Variants in UNC13C observed in about 807,000 individuals in gnomAD.
UNC13C encodes the protein protein unc-13 homolog C.
In UNC13C, 174 loss-of-function variants were observed where a neutral mutation model predicts 245.4. That is an observed-to-expected ratio of 0.71 (90% CI 0.63 to 0.80). The LOEUF (loss-of-function observed/expected upper bound fraction) is 0.80. UNC13C is among the 30% of genes least tolerant of loss of function. The pLI is 0.00. For synonymous variants in UNC13C, 992 were observed against 895.1 expected (o/e 1.11, Z -1.93); for missense variants, 2,829 against 2,602.9 (o/e 1.09, Z -1.89).
chr15:54,608,527 T>A (rs1303156570), intron 30 of UNC13C, among the ~76,000 whole-genome samples: 5 of 152,220 alleles, frequency 3.3e-5, no homozygotes, highest in Non-Finnish European at 5.9e-5. Flanking sequence ...TGCACTCATT[T>A]TTATTTTTGC....
At chr15:54,597,887 T>A (rs1299704765) in intron 30 of UNC13C, among the ~76,000 whole-genome samples, 1 of 152,212 alleles carries the variant, frequency 6.6e-6, no homozygotes, top group Admixed American at 6.5e-5. Context: ...GTAATGACTT[T>A]TTCAAAATTG....
intron 29 of UNC13C, 94 bp downstream of exon 29, chr15:54,555,606 C>T: frequency 1.1e-6 from 1 of 890,430 alleles, no homozygotes; most frequent in African/African-American, 1.7e-5. Context: ...ATCAGTAGAG[C>T]TGCGCCATTC....
intron 2 of UNC13C, among the ~76,000 whole-genome samples, chr15:54,114,063 A>G (rs946473135): frequency 6.6e-6 from 1 of 152,134 alleles, no homozygotes; most frequent in African/African-American, 2.4e-5. Context: ...GTGCACTCAC[A>G]CTATGACTGG....
chr15:54,343,761 G>GA (rs2038793484), intron 17 of UNC13C, among the ~76,000 whole-genome samples: 1 of 152,140 alleles, frequency 6.6e-6, no homozygotes, highest in East Asian at 1.9e-4. Flanking sequence ...ACCCCAATAG[G>GA]ATTTTATAGT....
chr15:54,227,652 C>G (rs972850262), intron 4 of UNC13C, among the ~76,000 whole-genome samples: 7 of 152,282 alleles, frequency 4.6e-5, no homozygotes, highest in African/African-American at 1.4e-4. Context: ...CAAAAGTGGC[C>G]CCAGGGAGTG....
chr15:54,139,034 A>C (rs2031884002), intron 2 of UNC13C, among the ~76,000 whole-genome samples: 1 of 125,406 alleles, frequency 8.0e-6, no homozygotes, highest in African/African-American at 3.0e-5. Context: ...ATCTCGACTC[A>C]CTGCAACCTC....
chr15:54,348,280 C>A (rs2038905056), intron 17 of UNC13C, among the ~76,000 whole-genome samples: 1 of 152,116 alleles, frequency 6.6e-6, no homozygotes, highest in African/African-American at 2.4e-5. Context: ...TCTACTTTTT[C>A]CCTTCCGCTA....
At chr15:54,220,493 G>A (rs1462014092) in intron 4 of UNC13C, among the ~76,000 whole-genome samples, 2 of 150,806 alleles carry the variant, frequency 1.3e-5, no homozygotes, top group Non-Finnish European at 2.9e-5. Flanking sequence ...TACACCTAAT[G>A]CTAAATGACG....
At chr15:54,363,842 T>C (rs1312176671) in intron 17 of UNC13C, among the ~76,000 whole-genome samples, 1 of 152,170 alleles carries the variant, frequency 6.6e-6, no homozygotes, top group Non-Finnish European at 1.5e-5. Context: ...AAAATTAAAG[T>C]CTAATGTCTT....
At chr15:54,030,168 A>G (rs998437932) in intron 2 of UNC13C, among the ~76,000 whole-genome samples, 3 of 151,888 alleles carry the variant, frequency 2.0e-5, no homozygotes, top group African/African-American at 4.8e-5. Flanking sequence ...TCCAGGGACC[A>G]CCTTCCAAAC....
chr15:54,160,080 A>C (rs1354355984), intron 4 of UNC13C, among the ~76,000 whole-genome samples: 1 of 152,112 alleles, frequency 6.6e-6, no homozygotes, highest in Non-Finnish European at 1.5e-5. Context: ...ATCACGGAAA[A>C]CTAGACAATT....
chr15:54,001,838 A>G (rs1894903081), intron 1 of UNC13C, among the ~76,000 whole-genome samples: 1 of 152,314 alleles, frequency 6.6e-6, no homozygotes, highest in Admixed American at 6.5e-5. Context: ...TCTTTCCTCT[A>G]TACCTTCCCC....
chr15:54,151,864 T>A (rs1338761225), intron 4 of UNC13C, among the ~76,000 whole-genome samples: 1 of 152,228 alleles, frequency 6.6e-6, no homozygotes, highest in Admixed American at 6.5e-5. Context: ...GGTTGGCTTC[T>A]TAGAAAGGGC....
At chr15:54,549,196 A>T (rs1294532215) in intron 27 of UNC13C, among the ~76,000 whole-genome samples, 4 of 152,186 alleles carry the variant, frequency 2.6e-5, no homozygotes, top group Non-Finnish European at 5.9e-5. Flanking sequence ...AGGGGTTAAG[A>T]GGGTAGTCGC....
At chr15:54,264,030 A>G in intron 8 of UNC13C, 138 bp from the exon 9 acceptor site, 1 of 754,514 alleles carries the variant, frequency 1.3e-6, no homozygotes, top group Non-Finnish European at 2.2e-6. Context: ...TCATTATGAT[A>G]TTTTTCTAAA....
At chr15:54,598,032 G>C (rs1315620923) in intron 30 of UNC13C, among the ~76,000 whole-genome samples, 1 of 152,168 alleles carries the variant, frequency 6.6e-6, no homozygotes, top group East Asian at 1.9e-4. Context: ...CAAGCTTTAA[G>C]ACTGGTAAAA....
intron 4 of UNC13C, among the ~76,000 whole-genome samples, chr15:54,151,635 C>T (rs1325400961): frequency 6.6e-6 from 1 of 152,154 alleles, no homozygotes; most frequent in Admixed American, 6.5e-5. Flanking sequence ...AACTCCTGAG[C>T]TCAGGCAATC....
chr15:54,221,916 A>C (rs898588731), intron 4 of UNC13C, among the ~76,000 whole-genome samples: 1 of 151,978 alleles, frequency 6.6e-6, no homozygotes, highest in African/African-American at 2.4e-5. Context: ...TATTTGAAAA[A>C]TTTGCTTGAT....
chr15:54,317,296 A>G (rs973041761), intron 13 of UNC13C, among the ~76,000 whole-genome samples: 22 of 151,988 alleles, frequency 1.4e-4, no homozygotes, highest in Admixed American at 6.6e-4. Context: ...ATTAAACTAT[A>G]TAACTCAAGA....
Sources: allele counts gnomAD v4.1 joint callset (sites outside exome capture counted in the v4.1 genomes callset), GRCh38; gene constraint gnomAD v4.1.1; transcripts MANE v1.5; gene names NCBI Gene and HGNC (gene_info 2026-07-23, HGNC 2026-07-21).